The following PRUNE2 variants were observed in gnomAD, a reference collection of about 807,000 sequenced individuals.
The protein encoded by PRUNE2 is protein prune homolog 2.
A neutral mutation model predicts 252.0 loss-of-function variants in PRUNE2; 164 were observed. That is an observed-to-expected ratio of 0.65 (90% CI 0.57 to 0.74). The LOEUF (loss-of-function observed/expected upper bound fraction) is 0.74, where lower values mean the gene tolerates loss of function less well. PRUNE2 is among the 30% of genes least tolerant of loss of function. The pLI, the probability that PRUNE2 is intolerant of heterozygous loss-of-function variation, is 0.00. For synonymous variants in PRUNE2, 1,292 were observed against 1,350.2 expected (o/e 0.96, Z 0.94); for missense variants, 3,495 against 3,711.0 (o/e 0.94, Z 1.51).
At chr9:76,750,477 G>A (rs2135720588) in intron 6 of PRUNE2, among the ~76,000 whole-genome samples, 1 of 150,376 alleles carries the variant, frequency 6.6e-6, no homozygotes, top group Middle Eastern at 3.4e-3. Flanking sequence ...CAGAAGTACA[G>A]AGGAGAGGAG....
chr9:76,858,411 T>C (rs1589623244), intron 1 of PRUNE2, among the ~76,000 whole-genome samples: 3 of 152,292 alleles, frequency 2.0e-5, no homozygotes, highest in South Asian at 2.1e-4. Flanking sequence ...ATATACACCA[T>C]GGAATACTAT....
chr9:76,800,264 T>A (rs1414820242), intron 6 of PRUNE2, among the ~76,000 whole-genome samples: 2 of 150,666 alleles, frequency 1.3e-5, no homozygotes, highest in Non-Finnish European at 3.0e-5. Context: ...AGTGTTCTCA[T>A]TGTTCAATTC....
At chr9:76,772,780 T>C (rs181323736) in intron 6 of PRUNE2, among the ~76,000 whole-genome samples, 3 of 152,112 alleles carry the variant, frequency 2.0e-5, no homozygotes, top group Admixed American at 2.0e-4. Flanking sequence ...CCCAGGCTGG[T>C]CTCAAACTCC....
chr9:76,767,562 T>C (rs1273724739), intron 6 of PRUNE2, among the ~76,000 whole-genome samples: 2 of 152,186 alleles, frequency 1.3e-5, no homozygotes, highest in African/African-American at 4.8e-5. Context: ...AAAAGAACTA[T>C]TTTCCAGAAC....
In PRUNE2 at chr9:76,822,575, AG is replaced by A. The variant is rs2058096431; in HGVS notation, c.756+1056del. On this transcript the variant is annotated intron_variant, in intron 6 of 18. Coordinates refer to ENST00000376718, the MANE Select transcript of PRUNE2 (RefSeq NM_015225.3). ...GTAATCCCAGCACTTTGGGAGGCCA[AG>A]GCAGGCAGATCATTTGAGGTCAGGA... Among the ~76,000 whole-genome samples, 4 of 152,356 alleles carry A rather than the reference AG, an allele frequency of 2.6e-5. 1 individual carries two copies. In the South Asian group the frequency reaches 8.3e-4, roughly 32 times the overall value.
chr9:76,642,363 A>G (rs1308709856), intron 12 of PRUNE2, among the ~76,000 whole-genome samples: 1 of 152,212 alleles, frequency 6.6e-6, no homozygotes, highest in Non-Finnish European at 1.5e-5. Context: ...CATTGTGTGC[A>G]ATAGCTCATA....
chr9:76,879,826 GT>G (rs1209689510), intron 1 of PRUNE2, among the ~76,000 whole-genome samples: 3 of 125,670 alleles, frequency 2.4e-5, no homozygotes, highest in African/African-American at 9.2e-5. Flanking sequence ...ACAAGGCCCC[GT>G]TTTTTATTTC....
At chr9:76,832,870 C>T (rs1313957712) in intron 4 of PRUNE2, among the ~76,000 whole-genome samples, 1 of 151,960 alleles carries the variant, frequency 6.6e-6, no homozygotes, top group African/African-American at 2.4e-5. Context: ...TAACTAGATT[C>T]TACGGACATT....
At chr9:76,836,364 A>AACTTTTTTTTTTTTTTT (rs1422659826) in intron 4 of PRUNE2, among the ~76,000 whole-genome samples, 1 of 149,244 alleles carries the variant, frequency 6.7e-6, no homozygotes, top group Non-Finnish European at 1.5e-5. Context: ...ACACAAAAAA[A>AACTTTTTTTTTTTTTTT]TCTTAGAATC....
intron 12 of PRUNE2, among the ~76,000 whole-genome samples, chr9:76,638,693 TG>T (rs1841226252): frequency 6.6e-6 from 1 of 152,226 alleles, no homozygotes; most frequent in African/African-American, 2.4e-5. Flanking sequence ...TTTCTTCTGA[TG>T]GCTAAGAAAG....
At chr9:76,660,004 G>C (rs1431688653) in intron 9 of PRUNE2, among the ~76,000 whole-genome samples, 1 of 152,010 alleles carries the variant, frequency 6.6e-6, no homozygotes, top group African/African-American at 2.4e-5. Context: ...CTGACAAGGT[G>C]TAAAGCCATG....
chr9:76,811,738 C>CAAA (rs1327136611), intron 6 of PRUNE2, among the ~76,000 whole-genome samples: 8 of 152,152 alleles, frequency 5.3e-5, no homozygotes, highest in Non-Finnish European at 1.2e-4. Context: ...CCCATGCCCT[C>CAAA]AAAGGTGACT....
At position 76,708,777 on chromosome 9, in the gene PRUNE2, C is replaced by T. The variant is rs773687603; in HGVS notation, c.3497G>A (p.Arg1166Gln). The T allele has an allele frequency of 4.9e-5, 79 of 1,613,922 alleles. No homozygotes were observed. The highest frequency in any genetic ancestry group is 4.0e-4 in the East Asian group (18 of 44,852). ...GGGTTCCAGCTGTCTCACTGTAAAT[C>T]GGGTTTCCGGCTCGGAACCTTCAGC... ...YMAEGSEPET[R>Q]FTVRQLEPWG... The change falls in exon 8 of 19, where the codon CGA (arginine) becomes CAA (glutamine). Residue 1166 changes from arginine to glutamine, a missense_variant. By Grantham distance (43) the Arg-to-Gln change is conservative. Coordinates refer to ENST00000376718, the MANE Select transcript of PRUNE2 (RefSeq NM_015225.3).
At chr9:76,848,444 C>T (rs756750358) in intron 3 of PRUNE2, among the ~76,000 whole-genome samples, 1 of 152,138 alleles carries the variant, frequency 6.6e-6, no homozygotes, top group Non-Finnish European at 1.5e-5. Flanking sequence ...AAAGCAGCCA[C>T]ACATGGGCAG....
chr9:76,655,667 G>A (rs1464241788), intron 9 of PRUNE2, among the ~76,000 whole-genome samples, 165 bp from the exon 10 acceptor site: 2 of 152,174 alleles, frequency 1.3e-5, no homozygotes, highest in Non-Finnish European at 2.9e-5. Context: ...AAGACTTTCT[G>A]CAGTTATGGT....
At chr9:76,731,316 A>T (rs1215733725) in intron 6 of PRUNE2, among the ~76,000 whole-genome samples, 2 of 110,162 alleles carry the variant, frequency 1.8e-5, no homozygotes, top group African/African-American at 3.8e-5. Context: ...CTATCTATAT[A>T]TATATATATT....
At chr9:76,894,923 G>A (rs11145120) in intron 1 of PRUNE2, among the ~76,000 whole-genome samples, 18,046 of 152,044 alleles carry the variant, frequency 0.12, 3,545 homozygotes, top group African/African-American at 0.41. Flanking sequence ...CTACTCAGGA[G>A]GTTGAGGCAG....
chr9:76,835,738 AAGAG>A (rs148036112), intron 4 of PRUNE2, among the ~76,000 whole-genome samples: 1 of 151,186 alleles, frequency 6.6e-6, no homozygotes, highest in Non-Finnish European at 1.5e-5. Flanking sequence ...CTCTTTGGGC[AAGAG>A]AGAGAGAGAG....
Position 76,706,408 on chromosome 9 carries a change from G to A in PRUNE2, c.5866C>T (p.Gln1956Ter). The A allele has an allele frequency of 1.2e-6, 2 of 1,613,926 alleles. No homozygotes were observed. Among genetic ancestry groups the A allele is most frequent in the Non-Finnish European group, 1.7e-6 (2 of 1,179,878 alleles). ...GDELTPETPT[Q>*]EQCQDTMLPV... ...AGCATGGTGTCCTGACACTGCTCTT[G>A]GGTAGGTGTTTCAGGAGTCAGCTCA... The change falls in exon 8 of 19, where the codon CAA becomes TAA. Residue 1956 changes from glutamine to a stop codon, truncating the protein, a stop_gained. Coordinates refer to ENST00000376718, the MANE Select transcript of PRUNE2 (RefSeq NM_015225.3). LOFTEE classifies it high-confidence loss of function.
Sources: gnomAD v4.1 joint callset for allele counts (sites outside exome capture counted in the v4.1 genomes callset) on GRCh38, gnomAD v4.1.1 for gene constraint, MANE v1.5 for transcripts, NCBI Gene and HGNC (gene_info 2026-07-23, HGNC 2026-07-21) for gene names.